PDE7A: variants seen among roughly 807,000 people sequenced by gnomAD.
PDE7A encodes high affinity 3',5'-cyclic-AMP phosphodiesterase 7A.
Under a neutral mutation model 64.3 loss-of-function variants are expected in PDE7A, and 39 were observed. The observed-to-expected ratio is 0.61, with a 90% confidence interval of 0.47 to 0.79. The LOEUF (loss-of-function observed/expected upper bound fraction) is 0.79, where lower values mean the gene tolerates loss of function less well. Ranked by LOEUF, PDE7A falls within the 30% of genes least tolerant of loss-of-function variation. PDE7A has a pLI of 0.00. For synonymous variants in PDE7A, 203 were observed against 206.8 expected (o/e 0.98, Z 0.16); for missense variants, 470 against 582.8 (o/e 0.81, Z 1.99).
chr8:65,795,399 G>A (rs1809812034), intron 1 of PDE7A, among the ~76,000 whole-genome samples: 1 of 152,224 alleles, frequency 6.6e-6, no homozygotes. Flanking sequence ...TGCCAGAGAG[G>A]AGGGAGCTGT....
intron 5 of PDE7A, 35 bp from the exon 6 acceptor site, chr8:65,739,632 A>C: frequency 6.9e-7 from 1 of 1,451,828 alleles, no homozygotes; most frequent in Middle Eastern, 1.9e-4. Flanking sequence ...ATTAGTAGGA[A>C]ATACAAGTCA....
intron 1 of PDE7A, among the ~76,000 whole-genome samples, chr8:65,817,827 A>G (rs1810449938): frequency 6.9e-6 from 1 of 145,314 alleles, no homozygotes; most frequent in South Asian, 2.1e-4. Flanking sequence ...ATCTCTGCTC[A>G]CTGCAAGCTC....
intron 9 of PDE7A, among the ~76,000 whole-genome samples, chr8:65,725,945 AG>A (rs774771988): frequency 1.1e-4 from 16 of 152,224 alleles, no homozygotes; most frequent in Non-Finnish European, 7.4e-5. Context: ...TTTACTTACC[AG>A]AAGTATTGTC....
intron 1 of PDE7A, among the ~76,000 whole-genome samples, chr8:65,837,557 T>C (rs1321844120): frequency 1.3e-5 from 2 of 152,254 alleles, no homozygotes; most frequent in Non-Finnish European, 2.9e-5. Context: ...TAAATAATTT[T>C]GTGCATGAAA....
rs757952790 is a variant in PDE7A, at chr8:65,724,869, G to A, written c.973C>T (p.Arg325Cys). 1.6e-5 allele frequency: 26 copies of A among 1,610,086 alleles called. No individual in the cohort carries two copies. Among genetic ancestry groups the A allele is most frequent in the Admixed American group, 3.3e-5 (2 of 59,830 alleles). Residue 325 changes from arginine (R) to cysteine (C), a missense_variant, in exon 10 of 13, where the codon CGC becomes TGC. Coordinates refer to ENST00000401827, the MANE Select transcript of PDE7A (RefSeq NM_001242318.3). ...AACAAAGACAGATACTCATTCTGGC[G>A]ACTGATGTCTGTGGCTAGTATCAGA... is the stretch of plus-strand genomic sequence containing the variant. ...GALILATDIS[R>C]QNEYLSLFRS...
chr8:65,822,699 A>G (rs1002470889), intron 1 of PDE7A, among the ~76,000 whole-genome samples: 4 of 152,194 alleles, frequency 2.6e-5, no homozygotes, highest in Non-Finnish European at 4.4e-5. Flanking sequence ...ATAAATCAGT[A>G]GAGAAAAAGC....
intron 2 of PDE7A, among the ~76,000 whole-genome samples, chr8:65,780,227 A>AT (rs1467263031): frequency 2.0e-5 from 3 of 152,204 alleles, no homozygotes; most frequent in Admixed American, 1.3e-4. Flanking sequence ...AAGAAGCAAC[A>AT]TATTTATTAA....
At chr8:65,821,440 C>T (rs1810539884) in intron 1 of PDE7A, among the ~76,000 whole-genome samples, 1 of 152,144 alleles carries the variant, frequency 6.6e-6, no homozygotes, top group African/African-American at 2.4e-5. Flanking sequence ...AAAAACTTTG[C>T]CATCCTCTCA....
intron 1 of PDE7A, among the ~76,000 whole-genome samples, chr8:65,822,553 T>A (rs1311458678): frequency 6.6e-6 from 1 of 152,210 alleles, no homozygotes; most frequent in Non-Finnish European, 1.5e-5. Flanking sequence ...ATAAACAGTA[T>A]CCACTCTTAA....
chr8:65,816,124 T>G (rs899328012), intron 1 of PDE7A, among the ~76,000 whole-genome samples: 1 of 151,676 alleles, frequency 6.6e-6, no homozygotes, highest in African/African-American at 2.4e-5. Flanking sequence ...ATTTAGCTCT[T>G]TTCTCAGTTT....
intron 3 of PDE7A, among the ~76,000 whole-genome samples, chr8:65,776,776 T>C (rs1456865468): frequency 6.6e-6 from 1 of 152,222 alleles, no homozygotes; most frequent in Non-Finnish European, 1.5e-5. Context: ...TCCTAACAAT[T>C]TTCTAAGTAC....
chr8:65,745,576 T>A (rs751080578), intron 4 of PDE7A, 106 bp from the exon 5 acceptor site: 28 of 647,002 alleles, frequency 4.3e-5, no homozygotes, highest in Non-Finnish European at 6.5e-5. Context: ...ATTGATTTAC[T>A]TTAAAAAATA....
intron 1 of PDE7A, among the ~76,000 whole-genome samples, chr8:65,809,809 A>G (rs1810206106): frequency 6.6e-6 from 1 of 152,230 alleles, no homozygotes. Context: ...ACCATCTCAC[A>G]CTAGTTAGAA....
intron 1 of PDE7A, among the ~76,000 whole-genome samples, chr8:65,803,812 G>C (rs989622204): frequency 1.3e-5 from 2 of 152,090 alleles, no homozygotes; most frequent in Admixed American, 1.3e-4. Flanking sequence ...ATGAATTCAT[G>C]AAGCTCCTGT....
chr8:65,802,469 G>A (rs966478540), intron 1 of PDE7A, among the ~76,000 whole-genome samples: 1 of 152,172 alleles, frequency 6.6e-6, no homozygotes, highest in African/African-American at 2.4e-5. Context: ...GACCAGGGGA[G>A]CACTGGCTTT....
chr8:65,733,299 A>C (rs761387030), intron 7 of PDE7A, among the ~76,000 whole-genome samples: 1 of 152,162 alleles, frequency 6.6e-6, no homozygotes, highest in Non-Finnish European at 1.5e-5. Context: ...GGGAGATGGG[A>C]GTGCAGAAGC....
chr8:65,840,199 A>G (rs1811046427), intron 1 of PDE7A, among the ~76,000 whole-genome samples: 1 of 152,248 alleles, frequency 6.6e-6, no homozygotes, highest in African/African-American at 2.4e-5. Flanking sequence ...AGTAATTTTC[A>G]CAAGTCTGCT....
intron 1 of PDE7A, among the ~76,000 whole-genome samples, chr8:65,826,778 T>C (rs1464690292): frequency 1.3e-5 from 2 of 152,172 alleles, no homozygotes; most frequent in East Asian, 1.9e-4. Flanking sequence ...TATTCTCTCA[T>C]AGTTCTGGAG....
chr8:65,832,368 T>C lies in PDE7A; in HGVS notation c.138+9003A>G, dbSNP rs181110000. Among the ~76,000 whole-genome samples, 98 of 152,326 alleles carry C rather than the reference T, an allele frequency of 6.4e-4. 1 individual carries two copies. The East Asian group carries it at 0.012, about 18-fold the overall frequency. ...TTCAATTTTTCACAGTGATAAATAA[T>C]GGGATGAATAAACTTGAAGATTAAC... is the stretch of plus-strand genomic sequence containing the variant. On this transcript the variant is annotated intron_variant, in intron 1 of 12. Transcript: ENST00000401827.
Sources: allele counts gnomAD v4.1 joint callset (sites outside exome capture counted in the v4.1 genomes callset), GRCh38; gene constraint gnomAD v4.1.1; transcripts MANE v1.5; gene names NCBI Gene and HGNC (gene_info 2026-07-23, HGNC 2026-07-21).